The following PCDHGA6 variants were observed in gnomAD, a reference collection of about 807,000 sequenced individuals.
The protein encoded by PCDHGA6 is protocadherin gamma-A6.
In PCDHGA6, 41 loss-of-function variants were observed where a neutral mutation model predicts 60.6. That is an observed-to-expected ratio of 0.68 (90% CI 0.53 to 0.88). The LOEUF (loss-of-function observed/expected upper bound fraction) is 0.88. PCDHGA6 is among the 40% of genes least tolerant of loss of function. The probability of loss-of-function intolerance (pLI) is 0.00; values close to 1 mark genes in which losing one functional copy is unlikely to be tolerated. For synonymous variants in PCDHGA6, 594 were observed against 524.4 expected, an observed-to-expected ratio of 1.13 and a Z score of -1.81; for missense variants, 1,312 against 1,203.0, an observed-to-expected ratio of 1.09 and a Z score of -1.34.
In PCDHGA6 at chr5:141,511,555, C is replaced by T; in HGVS notation, c.*382C>T. 1 of 305,302 alleles carries T rather than the reference C, an allele frequency of 3.3e-6. No individual in the cohort carries two copies. Among genetic ancestry groups the T allele is most frequent in the South Asian group, 3.6e-5 (1 of 28,078 alleles). 18.9% of individuals were successfully genotyped at this position (305,302 alleles called of 1,614,324 possible). ...CCTCCCCACCCCACTCCAACAGTTC[C>T]TCTTTCCCGAGTAAGGTGGTTGGGG... On this transcript the variant is annotated 3_prime_UTR_variant, in exon 4 of 4. Coordinates refer to ENST00000517434, the MANE Select transcript of PCDHGA6 (RefSeq NM_018919.3).
At chr5:141,422,709 T>A in intron 1 of PCDHGA6, 1 of 1,603,558 alleles carries the variant, frequency 6.2e-7, no homozygotes, top group Admixed American at 1.7e-5. Flanking sequence ...CTCTGACGGA[T>A]GACACTGTCC....
rs1457099502 is a variant in PCDHGA6 at position 141,477,430 on chromosome 5, A to G, written c.2425-17377A>G. The G allele has an allele frequency of 1.2e-6, 2 of 1,614,162 alleles. No individual in the cohort carries two copies. The highest frequency in any genetic ancestry group is 1.7e-6 in the Non-Finnish European group (2 of 1,180,020). Reference sequence around the variant, plus strand: ...GAGACGCCGGAACCCCTTCCCTCTCAGCCCTTACAATAGTGCGTGTTCAAG... The same window carrying G: ...GAGACGCCGGAACCCCTTCCCTCTCGGCCCTTACAATAGTGCGTGTTCAAG... On this transcript the variant is annotated intron_variant, in intron 1 of 3. Transcript: ENST00000517434. This position sits in a 1 kb window ranked among gnomAD's most constrained non-coding sequence, Gnocchi z 4.9.
intron 1 of PCDHGA6, chr5:141,395,395 T>TA: frequency 1.1e-6 from 1 of 906,424 alleles, no homozygotes; most frequent in Non-Finnish European, 1.6e-6. Flanking sequence ...AATTGAACTC[T>TA]AATAGTCATA....
chr5:141,494,194 G>A (rs1446357035), intron 1 of PCDHGA6, among the ~76,000 whole-genome samples: 2 of 152,182 alleles, frequency 1.3e-5, no homozygotes, highest in Non-Finnish European at 2.9e-5. Flanking sequence ...GGACTTGGAT[G>A]CCCCGCAAAG....
At chr5:141,438,591 C>CATACATAT (rs1228520343) in intron 1 of PCDHGA6, among the ~76,000 whole-genome samples, 2 of 75,562 alleles carry the variant, frequency 2.6e-5, no homozygotes, top group African/African-American at 4.5e-5. Context: ...TACATACATA[C>CATACATAT]ATATATATAT....
rs888389135 is a variant in PCDHGA6 at position 141,487,089 on chromosome 5, C to T, written c.2425-7718C>T. 12 of 1,613,882 alleles carry T rather than the reference C, an allele frequency of 7.4e-6. No individual in the cohort carries two copies. Among genetic ancestry groups the T allele is most frequent in the Non-Finnish European group, 1.0e-5 (12 of 1,179,768 alleles). On this transcript the variant is annotated intron_variant, in intron 1 of 3. Coordinates refer to ENST00000517434, the MANE Select transcript of PCDHGA6 (RefSeq NM_018919.3). The surrounding 1 kb of genome is among the most constrained non-coding windows in gnomAD (Gnocchi z 5.0). The stretch of plus-strand genomic sequence containing the variant: ...GCTGTTCCTATCCCAGCTGACCTCC[C>T]ACCACAGAAGCTGGTCATTGTGGTA...
At chr5:141,383,599 G>C in intron 1 of PCDHGA6, 1 of 1,613,742 alleles carries the variant, frequency 6.2e-7, no homozygotes. Context: ...GACAGTGGTG[G>C]ATGTGAATGA....
intron 1 of PCDHGA6, chr5:141,409,662 TCTC>T (rs1473145245): frequency 2.5e-6 from 4 of 1,613,562 alleles, no homozygotes; most frequent in Admixed American, 1.7e-5. Context: ...AATGGCCACA[TCTC>T]CTACTCTATA....
At chr5:141,391,759 T>C (rs901291558) in intron 1 of PCDHGA6, 1 of 152,196 alleles carries the variant, frequency 6.6e-6, no homozygotes, top group Non-Finnish European at 1.5e-5. Context: ...GGCTTCTTAG[T>C]AAGTATTATA....
chr5:141,479,838 C>T (rs539142918), intron 1 of PCDHGA6, among the ~76,000 whole-genome samples: 1 of 152,298 alleles, frequency 6.6e-6, no homozygotes, highest in African/African-American at 2.4e-5. Context: ...GGTATCCATG[C>T]AAGGTGACTG....
Position 141,491,205 on chromosome 5 carries a change from A to G in PCDHGA6, c.2425-3602A>G, listed in dbSNP as rs2233609. 2,395 of 1,613,578 alleles carry G rather than the reference A, an allele frequency of 1.5e-3. 36 individuals are homozygous for G. The African/African-American group carries it at 0.028, about 19-fold the overall frequency. On this transcript the variant is annotated intron_variant, in intron 1 of 3. Coordinates refer to ENST00000517434, the MANE Select transcript of PCDHGA6 (RefSeq NM_018919.3). This position sits in a 1 kb window ranked among gnomAD's most constrained non-coding sequence, Gnocchi z 6.9. The stretch of plus-strand genomic sequence containing the variant: ...TGGTGAGGGACAATGGTGACCCTTC[A>G]CTCTCCTCCACAGCCACAGTGCTGC...
chr5:141,384,914 T>C, intron 1 of PCDHGA6: 1 of 1,613,988 alleles, frequency 6.2e-7, no homozygotes, highest in Non-Finnish European at 8.5e-7. Flanking sequence ...CCCGAAGTCT[T>C]GGCCGACCTG....
chr5:141,407,027 CT>C (rs1297630291), intron 1 of PCDHGA6, among the ~76,000 whole-genome samples: 1 of 152,128 alleles, frequency 6.6e-6, no homozygotes, highest in Non-Finnish European at 1.5e-5. Context: ...AAATTCTATG[CT>C]AAACATGTGA....
Position 141,490,491 on chromosome 5 carries a change from A to T in PCDHGA6, c.2425-4316A>T. 1 of 1,614,098 alleles carries T rather than the reference A, an allele frequency of 6.2e-7. No individual in the cohort carries two copies. Among genetic ancestry groups the T allele is most frequent in the Non-Finnish European group, 8.5e-7 (1 of 1,180,022 alleles). ...GCCAGCCTTTGGACCGGGAGGCCAC[A>T]TCCCACTATATCATCGAGCTGCTGG... On this transcript the variant is annotated intron_variant, in intron 1 of 3. Coordinates refer to ENST00000517434, the MANE Select transcript of PCDHGA6 (RefSeq NM_018919.3). This position sits in a 1 kb window ranked among gnomAD's most constrained non-coding sequence, Gnocchi z 5.4.
chr5:141,384,160 A>G, intron 1 of PCDHGA6: 1 of 1,613,640 alleles, frequency 6.2e-7, no homozygotes, highest in African/African-American at 1.3e-5. Flanking sequence ...GTATAACATC[A>G]CACTGAAAGC....
At chr5:141,457,537 T>A (rs967428207) in intron 1 of PCDHGA6, among the ~76,000 whole-genome samples, 2 of 152,228 alleles carry the variant, frequency 1.3e-5, no homozygotes, top group Admixed American at 6.5e-5. Flanking sequence ...TAGGGTTTAA[T>A]GACAAATGTA....
At chr5:141,403,291 A>C in intron 1 of PCDHGA6, 1 of 1,613,918 alleles carries the variant, frequency 6.2e-7, no homozygotes, top group Non-Finnish European at 8.5e-7. Flanking sequence ...TTGAAGACAG[A>C]GTGAAACTGT....
rs922668811 is a variant in PCDHGA6 at position 141,432,984 on chromosome 5, G to A, written c.2424+56477G>A. On this transcript the variant is annotated intron_variant, in intron 1 of 3. Transcript: ENST00000517434. This position sits in a 1 kb window ranked among gnomAD's most constrained non-coding sequence, Gnocchi z 6.0. ...GGAGCGCCGGCGTCGCACTTTGTGG[G>A]CGTGGACGGGGTGCAGGCTTTCCTG... 1.9e-6 allele frequency: 3 copies of A among 1,614,214 alleles called. No individual in the cohort carries two copies. Among genetic ancestry groups the A allele is most frequent in the Admixed American group, 1.7e-5 (1 of 60,028 alleles).
chr5:141,463,466 T>G (rs1400160593), intron 1 of PCDHGA6, among the ~76,000 whole-genome samples: 2 of 142,982 alleles, frequency 1.4e-5, no homozygotes, highest in African/African-American at 5.2e-5. Context: ...TTTTTTTTTT[T>G]GAGATGGAGT....
Sources: allele counts gnomAD v4.1 joint callset (sites outside exome capture counted in the v4.1 genomes callset), GRCh38; gene constraint gnomAD v4.1.1; non-coding constraint Gnocchi (gnomAD v3.1); transcripts MANE v1.5; gene names NCBI Gene and HGNC (gene_info 2026-07-23, HGNC 2026-07-21).